The following USP24 variants were observed in gnomAD, a reference collection of about 807,000 sequenced individuals.
USP24 encodes the protein ubiquitin carboxyl-terminal hydrolase 24.
USP24 carries 97 observed loss-of-function variants against 361.6 expected under a neutral mutation model. The observed-to-expected ratio is 0.27, with a 90% CI of 0.23 to 0.32. USP24 has a LOEUF of 0.32. USP24 is among the 10% of genes least tolerant of loss of function. USP24 has a pLI of 1.00. For missense variants in USP24, 2,353 were observed against 3,165.6 expected (o/e 0.74, Z 6.16); for synonymous variants, 1,098 against 1,124.6 (o/e 0.98, Z 0.47).
At chr1:55,113,268 A>C (rs1219911348) in intron 38 of USP24, among the ~76,000 whole-genome samples, 1 of 152,180 alleles carries the variant, frequency 6.6e-6, no homozygotes, top group Non-Finnish European at 1.5e-5. Flanking sequence ...ACACAAACAA[A>C]CTAGAAAATC....
At position 55,182,332 on chromosome 1, in the gene USP24, C is replaced by T. The variant is rs371661004; in HGVS notation, c.325-4200G>A. Among the ~76,000 whole-genome samples, 156 of 152,114 alleles carry T rather than the reference C, an allele frequency of 1.0e-3. 3 individuals carry two copies. In the South Asian group the frequency reaches 0.02, roughly 20 times the overall value. On this transcript the variant is annotated intron_variant, in intron 1 of 67. Coordinates refer to ENST00000294383, the MANE Select transcript of USP24 (RefSeq NM_015306.3). ...CCTCCCAAAGTGCTGGGATTGCAGG[C>T]GTGAGCCATTGCGCCCGGCCTCTAA...
At chr1:55,180,440 G>A (rs1643931212) in intron 1 of USP24, among the ~76,000 whole-genome samples, 1 of 152,134 alleles carries the variant, frequency 6.6e-6, no homozygotes, top group Non-Finnish European at 1.5e-5. Flanking sequence ...TGGACAACCA[G>A]CCCCTGAAGG....
chr1:55,158,850 G>A, intron 10 of USP24, 28 bp downstream of exon 10: 2 of 1,457,364 alleles, frequency 1.4e-6, no homozygotes, highest in Middle Eastern at 3.6e-4. Flanking sequence ...TGTGCATTAA[G>A]TCTTGTAGAA....
intron 63 of USP24, among the ~76,000 whole-genome samples, chr1:55,074,302 A>G (rs1252278782): frequency 1.3e-5 from 2 of 152,152 alleles, no homozygotes; most frequent in East Asian, 1.9e-4. Context: ...TGCTAGGGTC[A>G]GTTCAGCAAT....
chr1:55,196,103 C>T (rs923842359), intron 1 of USP24, among the ~76,000 whole-genome samples: 3 of 152,082 alleles, frequency 2.0e-5, no homozygotes. Context: ...CTCATCTTAC[C>T]GGACCCATCA....
At position 55,128,933 on chromosome 1, in the gene USP24, C is replaced by T. The variant is rs528225716; in HGVS notation, c.3635+544G>A. Among the ~76,000 whole-genome samples, 29 of 151,974 alleles carry T rather than the reference C, an allele frequency of 1.9e-4. No homozygotes were observed. The East Asian group carries it at 4.1e-3, about 21-fold the overall frequency. ...TGAGGTCTCACTATGTCGCCCCGTA[C>T]GATCTCAAACTCTTGGGCTCAAGCA... is the stretch of plus-strand genomic sequence containing the variant. On this transcript the variant is annotated intron_variant, in intron 32 of 67. Transcript: ENST00000294383.
rs749482694 is a variant in USP24 at position 55,125,393 on chromosome 1, C to T, written c.3887G>A (p.Arg1296Gln). ...LCGTPEKSSY[R>Q]QLSVSDRSSI... ...AGACCTATCAGACACGGACAACTGTCGGTAGGATGACTTTTCTGGGGTACC... is the reference window on the plus strand; with the variant it reads ...AGACCTATCAGACACGGACAACTGTTGGTAGGATGACTTTTCTGGGGTACC... The change falls in exon 34 of 68, where the codon CGA becomes CAA. Residue 1296 changes from arginine (R) to glutamine (Q), a missense_variant. Physicochemically the swap from Arg to Gln is conservative, Grantham distance 43. Coordinates refer to ENST00000294383, the MANE Select transcript of USP24 (RefSeq NM_015306.3). 2.5e-6 allele frequency: 4 copies of T among 1,613,956 alleles called. No individual in the cohort carries two copies. Among genetic ancestry groups the T allele is most frequent in the South Asian group, 1.1e-5 (1 of 91,072 alleles).
At chr1:55,209,742 G>A (rs1229012639) in intron 1 of USP24, among the ~76,000 whole-genome samples, 1 of 152,054 alleles carries the variant, frequency 6.6e-6, no homozygotes, top group Non-Finnish European at 1.5e-5. Context: ...TTCTGAAATG[G>A]TTCCATCTTA....
chr1:55,154,897 G>GTA, intron 12 of USP24, 119 bp from the exon 13 acceptor site: 1 of 670,852 alleles, frequency 1.5e-6, no homozygotes, highest in South Asian at 2.0e-5. Context: ...TGACTCTAGT[G>GTA]TAATCAGCAT....
In USP24 at chr1:55,083,310, T is replaced by C. The variant is rs1419830557; in HGVS notation, c.6937A>G (p.Ile2313Val). ...CGACTGGCCCCTAGGAGGAAGCTGA[T>C]CATGTGCCGCAGAGCTGAATGCCTC... ...LLRHSALRHM[I>V]SFLLGASRQN... is the part of the protein sequence containing the mutation. The change falls in exon 58 of 68, where the codon ATC (isoleucine) becomes GTC (valine). Residue 2313 changes from isoleucine to valine, a missense_variant. Physicochemically the swap from Ile to Val is conservative, Grantham distance 29. Transcript: ENST00000294383. 8.7e-6 allele frequency: 14 copies of C among 1,613,702 alleles called. No individual in the cohort carries two copies. The highest frequency in any genetic ancestry group is 2.7e-5 in the African/African-American group (2 of 74,920).
chr1:55,120,458 T>C, intron 38 of USP24, 138 bp downstream of exon 38: 1 of 1,062,048 alleles, frequency 9.4e-7, no homozygotes, highest in African/African-American at 1.6e-5. Context: ...AAATGCCATC[T>C]TTCAGGACCC....
intron 5 of USP24, among the ~76,000 whole-genome samples, chr1:55,168,303 C>T (rs1171223099): frequency 6.6e-6 from 1 of 152,024 alleles, no homozygotes; most frequent in Non-Finnish European, 1.5e-5. Context: ...GAATGGAATG[C>T]CCTGAAAAGT....
chr1:55,202,474 G>A (rs987254356), intron 1 of USP24, among the ~76,000 whole-genome samples: 15 of 151,212 alleles, frequency 9.9e-5, no homozygotes, highest in Admixed American at 7.9e-4. Flanking sequence ...GTGCGATCTC[G>A]GCTCACTGCA....
intron 48 of USP24, 98 bp from the exon 49 acceptor site, chr1:55,097,270 T>C: frequency 1.5e-6 from 2 of 1,345,926 alleles, no homozygotes; most frequent in Non-Finnish European, 2.0e-6. Flanking sequence ...GTTTTCCTAG[T>C]TTAAGCTAGG....
rs192185635 is a variant in USP24, at chr1:55,172,280, A to G, written c.702+97T>C. The stretch of plus-strand genomic sequence containing the variant: ...CCTAACAGCTAATATCCTTAACGAT[A>G]AAATTATTATCACTCATTATTAATT... On this transcript the variant is annotated intron_variant, in intron 4 of 67. Transcript: ENST00000294383. 4.3e-6 allele frequency: 5 copies of G among 1,168,956 alleles called. No homozygotes were observed. In the Admixed American group the frequency reaches 1.7e-4, roughly 41 times the overall value. The allele number at this position is 1,168,956 out of a possible 1,614,324, so 72.4% of individuals were successfully genotyped here.
chr1:55,088,616 C>G (rs890965679), intron 55 of USP24, among the ~76,000 whole-genome samples: 1 of 152,056 alleles, frequency 6.6e-6, no homozygotes, highest in Non-Finnish European at 1.5e-5. Context: ...ATTTGCTAAT[C>G]TGTACTTTCT....
rs151128066 is a variant in USP24, at chr1:55,170,336, T to C, written c.825+1220A>G. On this transcript the variant is annotated intron_variant, in intron 5 of 67. Transcript: ENST00000294383. ...ACCTTTCTGGGTCTCAGTGGATGCA[T>C]ACGTAAAGTGAAAAAAAGAGAATGA... is the stretch of plus-strand genomic sequence containing the variant. 4.2e-3 allele frequency among the ~76,000 whole-genome samples: 643 copies of C among 152,122 alleles called. 6 individuals are homozygous for C. Among genetic ancestry groups the C allele is most frequent in the Non-Finnish European group, 5.0e-3 (338 of 67,970 alleles).
At chr1:55,146,746 T>G (rs920923586) in intron 19 of USP24, among the ~76,000 whole-genome samples, 183 bp downstream of exon 19, 1 of 152,194 alleles carries the variant, frequency 6.6e-6, no homozygotes, top group African/African-American at 2.4e-5. Context: ...ACCAAAGAAC[T>G]CATACATTTA....
intron 19 of USP24, 85 bp downstream of exon 19, chr1:55,146,844 A>T: frequency 6.5e-7 from 1 of 1,528,158 alleles, no homozygotes; most frequent in Non-Finnish European, 8.9e-7. Flanking sequence ...TAAACTGAAA[A>T]GTGTTTAGAA....
Sources: gnomAD v4.1 joint callset for allele counts (sites outside exome capture counted in the v4.1 genomes callset) on GRCh38, gnomAD v4.1.1 for gene constraint, MANE v1.5 for transcripts, NCBI Gene and HGNC (gene_info 2026-07-23, HGNC 2026-07-21) for gene names.